CPAMD8: variants seen among roughly 807,000 people sequenced by gnomAD.
The protein encoded by CPAMD8 is C3 and PZP-like alpha-2-macroglobulin domain-containing protein 8.
Under a neutral mutation model 224.7 loss-of-function variants are expected in CPAMD8, and 146 were observed. The observed-to-expected ratio is 0.65, with a 90% CI of 0.57 to 0.75. The LOEUF (loss-of-function observed/expected upper bound fraction) is 0.75, where lower values mean the gene tolerates loss of function less well. CPAMD8 is among the 30% of genes least tolerant of loss of function. The pLI, the probability that CPAMD8 is intolerant of heterozygous loss-of-function variation, is 0.00. For synonymous variants in CPAMD8, 966 were observed against 1,044.6 expected (o/e 0.92, Z 1.45); for missense variants, 2,301 against 2,537.5 (o/e 0.91, Z 2.00).
At chr19:16,983,938 C>T (rs888737579) in intron 13 of CPAMD8, among the ~76,000 whole-genome samples, 2 of 152,102 alleles carry the variant, frequency 1.3e-5, no homozygotes, top group Admixed American at 6.6e-5. Flanking sequence ...CTCACACTTC[C>T]TAATTTCAAA....
chr19:17,013,383 CA>C (rs2056716839), intron 3 of CPAMD8: 1 of 151,848 alleles, frequency 6.6e-6, no homozygotes, highest in Non-Finnish European at 1.5e-5. Context: ...GTGTGTCAGG[CA>C]CCTGTAGTTC....
chr19:17,015,567 G>A (rs938845016), intron 3 of CPAMD8, among the ~76,000 whole-genome samples: 3 of 152,126 alleles, frequency 2.0e-5, no homozygotes, highest in East Asian at 1.9e-4. Context: ...CCTGCCACCC[G>A]CAGGACCAGC....
Position 16,976,076 on chromosome 19 carries a change from T to C in CPAMD8, c.1834A>G (p.Ser612Gly), listed in dbSNP as rs2055256956. 1.9e-6 allele frequency: 3 copies of C among 1,612,678 alleles called. No homozygotes were observed. Among genetic ancestry groups the C allele is most frequent in the South Asian group, 1.1e-5 (1 of 90,942 alleles). ...VDLRIRAARG[S>G]CVCVAAVDKS... ...TCAACTGCGGCGACGCACACACAGC[T>C]GCCCCTTGCAGCCCTGATCCGCAGG... The change falls in exon 16 of 42, where the codon AGC (serine) becomes GGC (glycine). Residue 612 changes from serine (S) to glycine (G), a missense_variant. Physicochemically the swap from Ser to Gly is moderately conservative, Grantham distance 56. Transcript: ENST00000443236.
At chr19:17,008,432 G>A in intron 7 of CPAMD8, 73 bp downstream of exon 7, 2 of 1,564,226 alleles carry the variant, frequency 1.3e-6, no homozygotes, top group Non-Finnish European at 1.7e-6. Flanking sequence ...GTGGGCCCTG[G>A]ACAGAGCATA....
chr19:16,983,616 A>C (rs2055593528), intron 13 of CPAMD8, among the ~76,000 whole-genome samples: 1 of 152,100 alleles, frequency 6.6e-6, no homozygotes, highest in Non-Finnish European at 1.5e-5. Flanking sequence ...AAATTTTCAG[A>C]TTGGAGGAGA....
At chr19:17,001,128 C>A (rs11672687) in intron 9 of CPAMD8, among the ~76,000 whole-genome samples, 36,999 of 151,594 alleles carry the variant, frequency 0.24, 5,056 homozygotes, top group African/African-American at 0.37. Context: ...TCGAGACCAG[C>A]CTGGCCAACA....
At chr19:16,946,161 T>C (rs902471055) in intron 21 of CPAMD8, among the ~76,000 whole-genome samples, 1 of 125,656 alleles carries the variant, frequency 8.0e-6, no homozygotes, top group Non-Finnish European at 1.6e-5. Flanking sequence ...CATGTGGGCA[T>C]GTGTGTGTGT....
In CPAMD8 at chr19:16,907,004, G is replaced by A; in HGVS notation, c.3975C>T (p.Ser1325=). 1.9e-6 allele frequency: 3 copies of A among 1,603,790 alleles called. No individual in the cohort carries two copies. Residue 1325 remains serine, a synonymous_variant, in exon 30 of 42, where the codon AGC becomes AGT. Coordinates refer to ENST00000443236, the MANE Select transcript of CPAMD8 (RefSeq NM_015692.5). Reference sequence around the variant, plus strand: ...TGCGCAGTGCCTCAGGGGCTGCCGGGCTGCGGAGCAGGGTCAGCGCGTAGG... The same window carrying A: ...TGCGCAGTGCCTCAGGGGCTGCCGGACTGCGGAGCAGGGTCAGCGCGTAGG... The part of the protein sequence containing the change: ...LTTYALTLLR[S]PAAPEALRKL...
chr19:16,897,871 G>T lies in CPAMD8; in HGVS notation c.4954+18C>A. The T allele has an allele frequency of 6.3e-7, 1 of 1,594,334 alleles. No individual in the cohort carries two copies. The highest frequency in any genetic ancestry group is 8.5e-7 in the Non-Finnish European group (1 of 1,170,716). ...TCAGGGACCGGGCCGGGCCGGGGGT[G>T]CGGGCGCGCGGGCCTACCGGGTTCG... On this transcript the variant is annotated intron_variant, in intron 38 of 41. Coordinates refer to ENST00000443236, the MANE Select transcript of CPAMD8 (RefSeq NM_015692.5).
intron 13 of CPAMD8, among the ~76,000 whole-genome samples, chr19:16,985,432 G>A (rs2055683871): frequency 6.7e-6 from 1 of 148,924 alleles, no homozygotes; most frequent in Non-Finnish European, 1.5e-5. Flanking sequence ...AGGAGGAAAA[G>A]AAGGAGGGAG....
intron 18 of CPAMD8, among the ~76,000 whole-genome samples, chr19:16,969,653 G>A (rs555632916): frequency 1.3e-5 from 2 of 152,184 alleles, no homozygotes; most frequent in South Asian, 4.1e-4. Flanking sequence ...GCCACAGCAG[G>A]CAAATCACTT....
chr19:16,973,673 G>A (rs2055144826), intron 17 of CPAMD8, among the ~76,000 whole-genome samples: 1 of 151,904 alleles, frequency 6.6e-6, no homozygotes, highest in Non-Finnish European at 1.5e-5. Context: ...AAGCTGAAAT[G>A]AAAGGCACCC....
Position 16,906,945 on chromosome 19 carries a change from C to A in CPAMD8, c.4027+7G>T. Reference sequence around the variant, plus strand: ...TGTGGCCTCTGGGGAGGGCCAGGGACACCTACCTCGCATGATGGCCAGGCT... The same window carrying A: ...TGTGGCCTCTGGGGAGGGCCAGGGAAACCTACCTCGCATGATGGCCAGGCT... On this transcript the variant is annotated splice_region_variant and intron_variant, in intron 30 of 41. Coordinates refer to ENST00000443236, the MANE Select transcript of CPAMD8 (RefSeq NM_015692.5). 1 of 1,577,228 alleles carries A rather than the reference C, an allele frequency of 6.3e-7. No homozygotes were observed. Among genetic ancestry groups the A allele is most frequent in the Non-Finnish European group, 8.6e-7 (1 of 1,161,962 alleles).
intron 14 of CPAMD8, among the ~76,000 whole-genome samples, chr19:16,979,169 T>G (rs2055396898): frequency 6.7e-6 from 1 of 149,748 alleles, no homozygotes; most frequent in African/African-American, 2.5e-5. Flanking sequence ...CCACCCACTA[T>G]CCATCCATCC....
Position 16,903,632 on chromosome 19 carries a change from A to G in CPAMD8, c.4408-9T>C, listed in dbSNP as rs769579975. 1 of 1,614,072 alleles carries G rather than the reference A, an allele frequency of 6.2e-7. No individual in the cohort carries two copies. The highest frequency in any genetic ancestry group is 1.3e-5 in the African/African-American group (1 of 75,018). On this transcript the variant is annotated splice_polypyrimidine_tract_variant and intron_variant, in intron 33 of 41. Transcript: ENST00000443236. ...GTGGGGAGGCTGGGGATCTGGAGAC[A>G]GAAGTCACCGTGAGGCCCTGCTGAC... is the stretch of plus-strand genomic sequence containing the variant.
At chr19:17,007,844 A>T (rs1340776705) in intron 7 of CPAMD8, among the ~76,000 whole-genome samples, 1 of 152,218 alleles carries the variant, frequency 6.6e-6, no homozygotes. Flanking sequence ...TGCAATGGGG[A>T]TGATAAAATC....
chr19:16,918,450 T>A (rs2144869220), intron 27 of CPAMD8, among the ~76,000 whole-genome samples: 1 of 151,478 alleles, frequency 6.6e-6, no homozygotes, highest in South Asian at 2.1e-4. Context: ...AACTTTTTTT[T>A]TTTTTTTTTT....
rs773864 is a variant in CPAMD8, at chr19:16,904,061, G to A, written c.4251+165C>T. Among the ~76,000 whole-genome samples the A allele has an allele frequency of 0.66, 101,126 of 152,084 alleles. 34,300 individuals carry two copies. Among genetic ancestry groups the A allele is most frequent in the African/African-American group, 0.77 (32,092 of 41,504 alleles). On this transcript the variant is annotated intron_variant, in intron 32 of 41. Transcript: ENST00000443236. ...AGAGGCAGAGGCTGGGCTCCCATGG[G>A]GGATCCAGGGGCATCTGTCCCTCAC...
chr19:16,918,931 G>A (rs188101990), intron 27 of CPAMD8, among the ~76,000 whole-genome samples: 182 of 152,016 alleles, frequency 1.2e-3, no homozygotes, highest in Middle Eastern at 3.4e-3. Context: ...GCCCAGGCAC[G>A]GTGGCTCACA....
Sources: allele counts gnomAD v4.1 joint callset (sites outside exome capture counted in the v4.1 genomes callset), GRCh38; gene constraint gnomAD v4.1.1; transcripts MANE v1.5; gene names NCBI Gene and HGNC (gene_info 2026-07-23, HGNC 2026-07-21).